The following CNKSR3 variants were observed in gnomAD, a reference collection of about 807,000 sequenced individuals.
The protein encoded by CNKSR3 is CNKSR family member 3, also known as connector enhancer of kinase suppressor of ras 3.
Under a neutral mutation model 67.7 loss-of-function variants are expected in CNKSR3, and 36 were observed. That is an observed-to-expected ratio of 0.53 (90% CI 0.41 to 0.70). The LOEUF (loss-of-function observed/expected upper bound fraction) is 0.70. CNKSR3 is among the 30% of genes least tolerant of loss of function. The pLI is 0.00. For missense variants in CNKSR3, 630 were observed against 695.2 expected (o/e 0.91, Z 1.05); for synonymous variants, 281 against 271.4 (o/e 1.04, Z -0.35).
chr6:154,420,911 A>G (rs533476649), intron 9 of CNKSR3, among the ~76,000 whole-genome samples: 1 of 152,322 alleles, frequency 6.6e-6, no homozygotes, highest in South Asian at 2.1e-4. Flanking sequence ...CTGTCAATTA[A>G]AAAGTGAATT....
rs1368696703 is a variant in CNKSR3, at chr6:154,410,959, T to C, written c.1254A>G (p.Lys418=). 3 of 1,612,602 alleles carry C rather than the reference T, an allele frequency of 1.9e-6. No individual in the cohort carries two copies. The African/African-American group carries it at 4.0e-5, about 22-fold the overall frequency. ...YSVETNILPT[K]MREKTPSYGK... The stretch of plus-strand genomic sequence containing the variant: ...CATAAGATGGTGTTTTCTCTCTCAT[T>C]TTTGTGGGCAGAATGTTGGTTTCCA... The change falls in exon 11 of 13, where the codon AAA becomes AAG. Residue 418 remains lysine, a synonymous_variant. Coordinates refer to ENST00000607772, the MANE Select transcript of CNKSR3 (RefSeq NM_173515.4).
In CNKSR3 at chr6:154,421,919, T is replaced by C. The variant is rs1785151974; in HGVS notation, c.945+587A>G. On this transcript the variant is annotated intron_variant, in intron 9 of 12. Transcript: ENST00000607772. ...TCCGATATGGGAGTCACCAGCCATATGTGAATATTCTGCACCTGAAATGTA... is the reference window on the plus strand; with the variant it reads ...TCCGATATGGGAGTCACCAGCCATACGTGAATATTCTGCACCTGAAATGTA... 2.6e-5 allele frequency among the ~76,000 whole-genome samples: 4 copies of C among 152,284 alleles called. No individual in the cohort carries two copies. In the South Asian group the frequency reaches 8.3e-4, roughly 32 times the overall value.
rs149755772 is a variant in CNKSR3, at chr6:154,458,558, T to G, written c.53-8300A>C. On this transcript the variant is annotated intron_variant, in intron 1 of 12. Transcript: ENST00000607772. ...CACACTACAATCATGATAGAAACAT[T>G]CCTATCACCCCCAAAAAAAGTTCCC... is the stretch of plus-strand genomic sequence containing the variant. 3.8e-4 allele frequency among the ~76,000 whole-genome samples: 58 copies of G among 152,082 alleles called. No homozygotes were observed. The East Asian group carries it at 8.5e-3, about 22-fold the overall frequency.
chr6:154,487,617 G>C (rs567268285), intron 1 of CNKSR3, among the ~76,000 whole-genome samples: 1 of 152,194 alleles, frequency 6.6e-6, no homozygotes, highest in East Asian at 1.9e-4. Flanking sequence ...ACAGAGACAG[G>C]AAGAGACTGT....
chr6:154,442,064 G>C (rs1415936745), intron 3 of CNKSR3, 24 bp downstream of exon 3: 7 of 1,578,794 alleles, frequency 4.4e-6, no homozygotes, highest in Non-Finnish European at 6.0e-6. Flanking sequence ...TTGCAGGGCA[G>C]TAAAAGGCAC....
chr6:154,396,700 G>C lies in CNKSR3; in HGVS notation c.*9654C>G, dbSNP rs1268273603. Reference sequence around the variant, plus strand: ...ACCTTGGGACTTACTGGGGTAACTAGACCGAGAAGGATGAGTCCATTATCA... The same window carrying C: ...ACCTTGGGACTTACTGGGGTAACTACACCGAGAAGGATGAGTCCATTATCA... On this transcript the variant is annotated 3_prime_UTR_variant, in exon 13 of 13. Coordinates refer to ENST00000607772, the MANE Select transcript of CNKSR3 (RefSeq NM_173515.4). 2.6e-5 allele frequency: 4 copies of C among 152,132 alleles called. No homozygotes were observed. The East Asian group carries it at 7.7e-4, about 29-fold the overall frequency. 9.4% of individuals were successfully genotyped at this position (152,132 alleles called of 1,614,324 possible). A position where few individuals can be genotyped will look rare whatever the true frequency, so the allele number is the denominator to read the frequency against.
rs1425621163 is a variant in CNKSR3, at chr6:154,499,730, G to A, written c.52+10333C>T. 5.3e-5 allele frequency among the ~76,000 whole-genome samples: 8 copies of A among 152,044 alleles called. No homozygotes were observed. The East Asian group carries it at 1.5e-3, about 29-fold the overall frequency. ...AGCCATCCTCCTGTCTCAGCCTCCC[G>A]AAGTGCTGGGATCATAGGCGTGAGC... is the stretch of plus-strand genomic sequence containing the variant. On this transcript the variant is annotated intron_variant, in intron 1 of 12. Coordinates refer to ENST00000607772, the MANE Select transcript of CNKSR3 (RefSeq NM_173515.4).
At chr6:154,482,671 C>T (rs933730212) in intron 1 of CNKSR3, among the ~76,000 whole-genome samples, 17 of 152,132 alleles carry the variant, frequency 1.1e-4, no homozygotes, top group African/African-American at 4.1e-4. Flanking sequence ...GGAAGGGTTC[C>T]AGAAGGTGCT....
intron 1 of CNKSR3, among the ~76,000 whole-genome samples, chr6:154,473,802 T>C (rs1020201845): frequency 2.6e-5 from 4 of 152,034 alleles, no homozygotes; most frequent in African/African-American, 9.7e-5. Context: ...TTTTTTCTTT[T>C]TGAAACAGAG....
chr6:154,459,493 T>C (rs1786034626), intron 1 of CNKSR3, among the ~76,000 whole-genome samples: 1 of 149,414 alleles, frequency 6.7e-6, no homozygotes, highest in Admixed American at 6.6e-5. Flanking sequence ...CTCTTACCCA[T>C]TTGGGAAAAG....
chr6:154,411,944 A>C (rs1784921366), intron 10 of CNKSR3, among the ~76,000 whole-genome samples: 1 of 152,236 alleles, frequency 6.6e-6, no homozygotes, highest in Non-Finnish European at 1.5e-5. Context: ...TCTGAATCAA[A>C]TACTACAAAA....
chr6:154,389,339 A>AAG lies in CNKSR3; in HGVS notation c.*17013_*17014dup, dbSNP rs1158091884. On this transcript the variant is annotated 3_prime_UTR_variant, in exon 13 of 13. Transcript: ENST00000607772. ...CTGATTTTCTCAATACCATGTGTTG[A>AAG]AGAGACTATCCTTTCCCCATTATGT... 2.6e-5 allele frequency: 4 copies of AAG among 152,376 alleles called. No homozygotes were observed. The highest frequency in any genetic ancestry group is 5.9e-5 in the Non-Finnish European group (4 of 68,026). The allele number at this position is 152,376 out of a possible 1,614,324, so 9.4% of individuals were successfully genotyped here. A position where few individuals can be genotyped will look rare whatever the true frequency, so the allele number is the denominator to read the frequency against.
At chr6:154,486,254 T>A (rs931342854) in intron 1 of CNKSR3, among the ~76,000 whole-genome samples, 5 of 151,902 alleles carry the variant, frequency 3.3e-5, no homozygotes, top group Non-Finnish European at 7.4e-5. Context: ...CAGCATGACA[T>A]TTAAAAAGGT....
At chr6:154,423,477 C>T (rs188548660) in intron 7 of CNKSR3, among the ~76,000 whole-genome samples, 5 of 152,244 alleles carry the variant, frequency 3.3e-5, no homozygotes, top group Admixed American at 6.5e-5. Flanking sequence ...AGGCTGGTCT[C>T]GAACTCCCAA....
chr6:154,476,142 G>A lies in CNKSR3; in HGVS notation c.53-25884C>T, dbSNP rs536791649. ...AAAACCTATGCCATCAAGTACATTCGCTTGACTTAAGGCCTTCTAAGACAG... is the reference window on the plus strand; with the variant it reads ...AAAACCTATGCCATCAAGTACATTCACTTGACTTAAGGCCTTCTAAGACAG... On this transcript the variant is annotated intron_variant, in intron 1 of 12. Coordinates refer to ENST00000607772, the MANE Select transcript of CNKSR3 (RefSeq NM_173515.4). Among the ~76,000 whole-genome samples the A allele has an allele frequency of 4.7e-4, 71 of 152,070 alleles. 1 individual carries two copies. In the South Asian group the frequency reaches 6.5e-3, roughly 14 times the overall value.
chr6:154,407,028 G>A (rs1166376815), intron 12 of CNKSR3, among the ~76,000 whole-genome samples: 1 of 151,438 alleles, frequency 6.6e-6, no homozygotes, highest in African/African-American at 2.4e-5. Context: ...CCAGACTTCT[G>A]CCACCACCCT....
intron 7 of CNKSR3, among the ~76,000 whole-genome samples, chr6:154,426,555 C>T (rs1456204877): frequency 1.3e-5 from 2 of 152,116 alleles, no homozygotes; most frequent in East Asian, 3.9e-4. Context: ...CGGGGTTTCA[C>T]CATGTTAGCC....
chr6:154,455,578 C>T (rs532714731), intron 1 of CNKSR3, among the ~76,000 whole-genome samples: 190 of 152,000 alleles, frequency 1.3e-3, no homozygotes, highest in Non-Finnish European at 1.3e-3. Context: ...CCCGCCAACA[C>T]GTCCAGCTAA....
chr6:154,462,268 T>C (rs1052104807), intron 1 of CNKSR3, among the ~76,000 whole-genome samples: 1 of 138,254 alleles, frequency 7.2e-6, no homozygotes, highest in Non-Finnish European at 1.6e-5. Flanking sequence ...GTTGTATAAG[T>C]TCCCCCCACC....
Sources: gnomAD v4.1 joint callset for allele counts (sites outside exome capture counted in the v4.1 genomes callset) on GRCh38, gnomAD v4.1.1 for gene constraint, MANE v1.5 for transcripts, NCBI Gene and HGNC (gene_info 2026-07-23, HGNC 2026-07-21) for gene names.